Variants in SV2B observed in about 807,000 individuals in gnomAD.
SV2B encodes the protein synaptic vesicle glycoprotein 2B.
A neutral mutation model predicts 73.9 loss-of-function variants in SV2B; 41 were observed. That is an observed-to-expected ratio of 0.56 (90% CI 0.43 to 0.72). The LOEUF is 0.72. SV2B is among the 30% of genes least tolerant of loss of function. SV2B has a pLI of 0.00. For missense variants in SV2B, 764 were observed against 857.8 expected (o/e 0.89, Z 1.37); for synonymous variants, 314 against 314.2 (o/e 1.00, Z 0.01).
intron 1 of SV2B, among the ~76,000 whole-genome samples, chr15:91,191,395 G>A (rs576638219): frequency 1.3e-5 from 2 of 151,834 alleles, no homozygotes; most frequent in African/African-American, 2.4e-5. Flanking sequence ...CTTCCACCCT[G>A]ATACATCATC....
At position 91,258,926 on chromosome 15, in the gene SV2B, A is replaced by C. The variant is rs1187747395; in HGVS notation, c.918+372A>C. Among the ~76,000 whole-genome samples the C allele has an allele frequency of 3.6e-5, 4 of 111,320 alleles. No individual in the cohort carries two copies. Among genetic ancestry groups the C allele is most frequent in the Non-Finnish European group, 7.3e-5 (4 of 54,542 alleles). The allele number at this position is 111,320 out of a possible 152,430, so 73.0% of individuals were successfully genotyped here. ...ACACAGGGAGACCTCATCTCTACAA[A>C]AAAAAAAAAAAAAAAATTAGTTGAG... On this transcript the variant is annotated intron_variant, in intron 5 of 12. Coordinates refer to ENST00000394232, the MANE Select transcript of SV2B (RefSeq NM_001323032.3). This position sits in a 1 kb window ranked among gnomAD's most constrained non-coding sequence, Gnocchi z 4.7.
chr15:91,278,978 G>A (rs138673151), intron 9 of SV2B, among the ~76,000 whole-genome samples: 113 of 152,218 alleles, frequency 7.4e-4, no homozygotes, highest in African/African-American at 2.6e-3. Context: ...TGTAATTTAC[G>A]TGAAAGAGAA....
At chr15:91,125,781 C>CAAAAAAAAAAGAAAAAAAAAAAAAAA (rs2042461192) in intron 1 of SV2B, among the ~76,000 whole-genome samples, 1 of 57,118 alleles carries the variant, frequency 1.8e-5, no homozygotes, top group Non-Finnish European at 3.5e-5. Context: ...TCTCAAGGGG[C>CAAAAAAAAAAGAAAAAAAAAAAAAAA]AAAAAAAAAA....
chr15:91,257,750 C>T (rs765665835), intron 4 of SV2B, among the ~76,000 whole-genome samples: 1 of 152,128 alleles, frequency 6.6e-6, no homozygotes, highest in Non-Finnish European at 1.5e-5. Flanking sequence ...CTGGCTGCAC[C>T]CCTTCCCATA....
intron 1 of SV2B, among the ~76,000 whole-genome samples, chr15:91,125,781 C>CGAAAAAAAAAAAAAAAA (rs2042460448): frequency 1.8e-5 from 1 of 57,118 alleles, no homozygotes; most frequent in African/African-American, 6.4e-5. Flanking sequence ...TCTCAAGGGG[C>CGAAAAAAAAAAAAAAAA]AAAAAAAAAA....
chr15:91,153,428 C>T (rs868132317), intron 1 of SV2B, among the ~76,000 whole-genome samples: 4 of 152,126 alleles, frequency 2.6e-5, no homozygotes, highest in African/African-American at 9.7e-5. Flanking sequence ...GGTGCCACCA[C>T]GTTTTAGGTC....
chr15:91,173,726 C>T (rs1195999010), intron 1 of SV2B, among the ~76,000 whole-genome samples: 5 of 152,188 alleles, frequency 3.3e-5, no homozygotes, highest in African/African-American at 2.4e-5. Flanking sequence ...GAAAGCCCCA[C>T]AGAAGAAATG....
At chr15:91,179,875 G>A (rs2044478269) in intron 1 of SV2B, among the ~76,000 whole-genome samples, 2 of 151,672 alleles carry the variant, frequency 1.3e-5, no homozygotes, top group African/African-American at 2.4e-5. Context: ...TTTAATTGGA[G>A]CATTTAGTCC....
At position 91,292,806 on chromosome 15, in the gene SV2B, C is replaced by A; in HGVS notation, c.*254C>A. ...AACTTCAAGTCTTCCCAGTCCAAGG[C>A]AGGGAGAGGATTCTCCAGTGAGTGC... On this transcript the variant is annotated 3_prime_UTR_variant, in exon 13 of 13. Transcript: ENST00000394232. 2.6e-6 allele frequency: 1 copy of A among 389,740 alleles called. No individual in the cohort carries two copies. Among genetic ancestry groups the A allele is most frequent in the Non-Finnish European group, 4.6e-6 (1 of 219,152 alleles). 24.1% of individuals were successfully genotyped at this position (389,740 alleles called of 1,614,324 possible). A position where few individuals can be genotyped will look rare whatever the true frequency, so the allele number is the denominator to read the frequency against.
At chr15:91,173,824 C>T (rs1038909435) in intron 1 of SV2B, among the ~76,000 whole-genome samples, 2 of 152,154 alleles carry the variant, frequency 1.3e-5, no homozygotes, top group African/African-American at 4.8e-5. Flanking sequence ...AGGACCATTC[C>T]TTTTGGTGCT....
chr15:91,193,241 T>G (rs533935777), intron 1 of SV2B, among the ~76,000 whole-genome samples: 9 of 152,274 alleles, frequency 5.9e-5, no homozygotes, highest in African/African-American at 2.2e-4. Flanking sequence ...GACGGCCTGC[T>G]TAGGGGATGT....
At chr15:91,262,699 G>A (rs752454793) in intron 6 of SV2B, among the ~76,000 whole-genome samples, 1 of 152,140 alleles carries the variant, frequency 6.6e-6, no homozygotes. Context: ...ACTTATAAGG[G>A]AGAACATGTA....
chr15:91,239,459 A>G lies in SV2B; in HGVS notation c.452-12360A>G, dbSNP rs2046919392. Among the ~76,000 whole-genome samples, 1 of 151,968 alleles carries G rather than the reference A, an allele frequency of 6.6e-6. No individual in the cohort carries two copies. Among genetic ancestry groups the G allele is most frequent in the East Asian group, 1.9e-4 (1 of 5,168 alleles). ...CCATCTAATATTAGAAATGAAAGAA[A>G]GGAAGGAGACCTCCTAGCATGCCCT... On this transcript the variant is annotated intron_variant, in intron 2 of 12. Transcript: ENST00000394232. The surrounding 1 kb of genome is among the most constrained non-coding windows in gnomAD (Gnocchi z 5.1).
chr15:91,205,370 C>CTTT (rs869061452), intron 1 of SV2B, among the ~76,000 whole-genome samples: 1 of 142,830 alleles, frequency 7.0e-6, no homozygotes, highest in Non-Finnish European at 1.5e-5. Flanking sequence ...GATAACATTT[C>CTTT]TTTTTTTTTT....
In SV2B at chr15:91,258,161, T is replaced by G. The variant is rs968444488; in HGVS notation, c.785-260T>G. Among the ~76,000 whole-genome samples, 13 of 152,220 alleles carry G rather than the reference T, an allele frequency of 8.5e-5. No individual in the cohort carries two copies. Among genetic ancestry groups the G allele is most frequent in the African/African-American group, 2.4e-4 (10 of 41,460 alleles). On this transcript the variant is annotated intron_variant, in intron 4 of 12. Transcript: ENST00000394232. The surrounding 1 kb of genome is among the most constrained non-coding windows in gnomAD (Gnocchi z 4.7). Reference sequence around the variant, plus strand: ...GCCTGGACCTGGGGATTTGTCAGAATGCAGAATTCCTGGGGATTTGTCAGA... The same window carrying G: ...GCCTGGACCTGGGGATTTGTCAGAAGGCAGAATTCCTGGGGATTTGTCAGA...
At chr15:91,174,981 G>T (rs1295522956) in intron 1 of SV2B, among the ~76,000 whole-genome samples, 3 of 152,196 alleles carry the variant, frequency 2.0e-5, no homozygotes, top group African/African-American at 7.2e-5. Flanking sequence ...TTCTCCAAGA[G>T]CATGGATGGG....
chr15:91,152,071 CT>C (rs59094531), intron 1 of SV2B, among the ~76,000 whole-genome samples: 24,879 of 137,130 alleles, frequency 0.18, 2,168 homozygotes, highest in Non-Finnish European at 0.23. Flanking sequence ...AATTTTTACT[CT>C]TTTTTTTTTT....
intron 1 of SV2B, among the ~76,000 whole-genome samples, chr15:91,133,009 C>T (rs767984435): frequency 9.9e-5 from 15 of 152,158 alleles, no homozygotes; most frequent in Non-Finnish European, 1.6e-4. Context: ...AGTATGTTAC[C>T]TCTGTTAGTT....
chr15:91,194,520 C>T (rs369578023), intron 1 of SV2B, among the ~76,000 whole-genome samples: 2 of 152,108 alleles, frequency 1.3e-5, no homozygotes, highest in African/African-American at 4.8e-5. Context: ...CTTAGATATA[C>T]GTATGTTTAG....
Sources: allele counts gnomAD v4.1 joint callset (sites outside exome capture counted in the v4.1 genomes callset), GRCh38; gene constraint gnomAD v4.1.1; non-coding constraint Gnocchi (gnomAD v3.1); transcripts MANE v1.5; gene names NCBI Gene and HGNC (gene_info 2026-07-23, HGNC 2026-07-21).